STK33: variants seen among roughly 807,000 people sequenced by gnomAD.
STK33 encodes serine/threonine-protein kinase 33.
A neutral mutation model predicts 58.0 loss-of-function variants in STK33; 52 were observed. The ratio of observed to expected loss-of-function variants is 0.90; its 90% confidence interval spans 0.72 to 1.13. The LOEUF is 1.13. Among genes scored for constraint, STK33 ranks in the 50% most tolerant of loss-of-function variants. The pLI is 0.00. For missense variants in STK33, 630 were observed against 604.2 expected, an observed-to-expected ratio of 1.04 and a Z score of -0.45; for synonymous variants, 215 against 200.1, an observed-to-expected ratio of 1.07 and a Z score of -0.63.
chr11:8,479,347 C>G (rs575004167), intron 2 of STK33, among the ~76,000 whole-genome samples: 3 of 151,508 alleles, frequency 2.0e-5, no homozygotes, highest in African/African-American at 7.3e-5. Flanking sequence ...GCAGGAGAAT[C>G]GCTTGAACCC....
intron 1 of STK33, among the ~76,000 whole-genome samples, chr11:8,531,848 G>A (rs900977296): frequency 4.6e-5 from 7 of 152,126 alleles, no homozygotes; most frequent in South Asian, 2.1e-4. Context: ...TTTTAAAACC[G>A]CCACAGCAAC....
chr11:8,422,981 C>T (rs943598467), intron 14 of STK33, among the ~76,000 whole-genome samples: 9 of 150,248 alleles, frequency 6.0e-5, no homozygotes, highest in South Asian at 2.1e-4. Flanking sequence ...AAAACTCAGC[C>T]GGGCATGGGC....
chr11:8,591,976 T>TA (rs1196421081), intron 1 of STK33, among the ~76,000 whole-genome samples: 1 of 151,856 alleles, frequency 6.6e-6, no homozygotes, highest in East Asian at 1.9e-4. Flanking sequence ...CCCTAAAACT[T>TA]AAAGTATAAT....
At chr11:8,477,157 CACACACACACACACACACAT>C (rs893409705) in intron 3 of STK33, 73 bp downstream of exon 3, 8 of 151,656 alleles carry the variant, frequency 5.3e-5, no homozygotes, top group African/African-American at 1.7e-4. Flanking sequence ...CACACACACA[CACACACACACACACACACAT>C]ACACATCTCT....
chr11:8,489,545 G>A (rs1299166150), intron 1 of STK33, among the ~76,000 whole-genome samples: 2 of 152,122 alleles, frequency 1.3e-5, no homozygotes, highest in Admixed American at 6.5e-5. Flanking sequence ...GCATGCAAGA[G>A]AGAGTGAGGA....
chr11:8,470,989 C>T (rs1948723203), intron 6 of STK33, among the ~76,000 whole-genome samples: 1 of 152,172 alleles, frequency 6.6e-6, no homozygotes, highest in South Asian at 2.1e-4. Flanking sequence ...CACCAACAGA[C>T]TTGCTTGACA....
At position 8,399,556 on chromosome 11, in the gene STK33, A is replaced by G. The variant is rs554198758; in HGVS notation, c.1345-6846T>C. On this transcript the variant is annotated intron_variant, in intron 15 of 15. Transcript: ENST00000687296. ...GACACCCTAACATCACAATTAAAAG[A>G]ACTAGAGAAGCAAGAGCAAACACAT... Among the ~76,000 whole-genome samples the G allele has an allele frequency of 5.3e-5, 8 of 152,324 alleles. No homozygotes were observed. In the South Asian group the frequency reaches 1.5e-3, roughly 28 times the overall value.
intron 1 of STK33, among the ~76,000 whole-genome samples, chr11:8,551,792 T>C (rs1359559729): frequency 2.0e-5 from 3 of 152,182 alleles, no homozygotes; most frequent in Non-Finnish European, 4.4e-5. Flanking sequence ...CAGAACTTAA[T>C]CCCAGCCTTT....
chr11:8,401,748 T>C (rs572497377), intron 15 of STK33, among the ~76,000 whole-genome samples: 9 of 152,300 alleles, frequency 5.9e-5, no homozygotes, highest in African/African-American at 2.2e-4. Flanking sequence ...ATCCAGAATC[T>C]ATAATGAATT....
At chr11:8,437,995 CCTT>C (rs1315337233) in intron 12 of STK33, among the ~76,000 whole-genome samples, 5 of 152,106 alleles carry the variant, frequency 3.3e-5, no homozygotes, top group Admixed American at 6.6e-5. Context: ...AGAAAAATGG[CCTT>C]CTGGACAATT....
At chr11:8,468,889 A>C (rs2311392) in intron 6 of STK33, among the ~76,000 whole-genome samples, 25,570 of 152,248 alleles carry the variant, frequency 0.17, 2,643 homozygotes, top group South Asian at 0.32. Context: ...TTATGTTTAC[A>C]CTATATTATA....
At chr11:8,567,122 A>C (rs1957503171) in intron 1 of STK33, 1 of 152,196 alleles carries the variant, frequency 6.6e-6, no homozygotes, top group Non-Finnish European at 1.5e-5. Flanking sequence ...CCTGGGTGAC[A>C]GAGTGAGACC....
At position 8,558,457 on chromosome 11, in the gene STK33, T is replaced by A. The variant is rs114064452; in HGVS notation, c.-466+35626A>T. The stretch of plus-strand genomic sequence containing the variant: ...CTAATAAAAAATCATAGCATTTTTG[T>A]ATATGTTAAATGGTTAGGAAACATA... On this transcript the variant is annotated intron_variant, in intron 1 of 15. Coordinates refer to ENST00000687296, the MANE Select transcript of STK33 (RefSeq NM_001352389.2). Among the ~76,000 whole-genome samples the A allele has an allele frequency of 8.8e-3, 1,339 of 152,224 alleles. 19 individuals carry two copies. The highest frequency in any genetic ancestry group is 0.031 in the African/African-American group (1,276 of 41,536).
chr11:8,420,095 A>C (rs978760917), intron 14 of STK33, among the ~76,000 whole-genome samples: 1 of 152,160 alleles, frequency 6.6e-6, no homozygotes, highest in African/African-American at 2.4e-5. Flanking sequence ...GGTGTGAGCC[A>C]CCGTGCCCAG....
chr11:8,430,939 T>C (rs1306903956), intron 14 of STK33, among the ~76,000 whole-genome samples: 1 of 150,720 alleles, frequency 6.6e-6, no homozygotes, highest in African/African-American at 2.4e-5. Context: ...CGATCTTGGC[T>C]CACTGCAACC....
the STK33 span, among the ~76,000 whole-genome samples, chr11:8,383,135 G>C: frequency 1.3e-5 from 2 of 152,172 alleles, no homozygotes; most frequent in Non-Finnish European, 2.9e-5. Flanking sequence ...ACACTTGGAG[G>C]TCTGACTTCA....
chr11:8,403,083 T>A (rs777045267), intron 15 of STK33, among the ~76,000 whole-genome samples: 11 of 152,210 alleles, frequency 7.2e-5, no homozygotes, highest in Non-Finnish European at 1.3e-4. Context: ...CAGAGGAATT[T>A]CAACACTTAG....
chr11:8,580,593 T>C lies in STK33; in HGVS notation c.-466+13490A>G, dbSNP rs147547423. Among the ~76,000 whole-genome samples, 93 of 152,262 alleles carry C rather than the reference T, an allele frequency of 6.1e-4. 1 individual carries two copies. In the East Asian group the frequency reaches 0.014, roughly 23 times the overall value. On this transcript the variant is annotated intron_variant, in intron 1 of 15. Transcript: ENST00000687296. The stretch of plus-strand genomic sequence containing the variant: ...GGATGACTATAGTCAAATAATTTAA[T>C]TGTACATTTTTAAATAACTTAAAGA...
At chr11:8,551,868 G>A (rs1000325585) in intron 1 of STK33, among the ~76,000 whole-genome samples, 1 of 152,100 alleles carries the variant, frequency 6.6e-6, no homozygotes, top group Non-Finnish European at 1.5e-5. Flanking sequence ...ATGCAGCTAG[G>A]TATTCCAGCC....
Sources: gnomAD v4.1 joint callset for allele counts (sites outside exome capture counted in the v4.1 genomes callset) on GRCh38, gnomAD v4.1.1 for gene constraint, MANE v1.5 for transcripts, NCBI Gene and HGNC (gene_info 2026-07-23, HGNC 2026-07-21) for gene names.